UNC79: variants seen among roughly 807,000 people sequenced by gnomAD.
UNC79 encodes protein unc-79 homolog.
In UNC79, 37 loss-of-function variants were observed where a neutral mutation model predicts 283.1. That is an observed-to-expected ratio of 0.13 (90% CI 0.10 to 0.17). The LOEUF (loss-of-function observed/expected upper bound fraction) is 0.17, where lower values mean the gene tolerates loss of function less well. Ranked by LOEUF, UNC79 falls within the 10% of genes least tolerant of loss-of-function variation. UNC79 has a pLI of 1.00. For missense variants in UNC79, 2,272 were observed against 3,211.1 expected, an observed-to-expected ratio of 0.71 and a Z score of 7.07; for synonymous variants, 1,107 against 1,200.2, an observed-to-expected ratio of 0.92 and a Z score of 1.61.
intron 32 of UNC79, among the ~76,000 whole-genome samples, chr14:93,639,965 G>A (rs566517954): frequency 1.4e-4 from 21 of 152,346 alleles, no homozygotes; most frequent in African/African-American, 5.1e-4. Context: ...ATTCCTTGAT[G>A]AGAAAGATTA....
At chr14:93,499,975 G>A (rs1200369340) in intron 7 of UNC79, among the ~76,000 whole-genome samples, 1 of 152,134 alleles carries the variant, frequency 6.6e-6, no homozygotes, top group Non-Finnish European at 1.5e-5. Flanking sequence ...AATGTAGCCA[G>A]ACATTGGAGT....
At chr14:93,637,074 A>G in intron 31 of UNC79, 142 bp from the exon 35 acceptor site, 1 of 680,168 alleles carries the variant, frequency 1.5e-6, no homozygotes, top group Non-Finnish European at 2.7e-6. Flanking sequence ...CCTAAAATCT[A>G]GGATGTGTTC....
intron 14 of UNC79, among the ~76,000 whole-genome samples, chr14:93,558,419 G>A (rs1041471484): frequency 2.6e-5 from 4 of 151,970 alleles, no homozygotes; most frequent in Non-Finnish European, 5.9e-5. Flanking sequence ...AGCCCGGTGC[G>A]GTGGCGGGTG....
At chr14:93,698,383 G>A (rs941337583) in intron 47 of UNC79, among the ~76,000 whole-genome samples, 4 of 150,840 alleles carry the variant, frequency 2.7e-5, no homozygotes, top group Non-Finnish European at 5.9e-5. Context: ...TCTGTTATTA[G>A]GCTTATGTCT....
At position 93,388,865 on chromosome 14, in the gene UNC79, G is replaced by A. The variant is rs10137380; in HGVS notation, c.-351+55342G>A. Among the ~76,000 whole-genome samples, 1,358 of 152,228 alleles carry A rather than the reference G, an allele frequency of 8.9e-3. 33 individuals carry two copies. The highest frequency in any genetic ancestry group is 0.031 in the African/African-American group (1,279 of 41,536). On this transcript the variant is annotated intron_variant, in intron 1 of 49. Coordinates refer to the UNC79 transcript ENST00000256339. ...GGAAGTAATATATATTTACATTTTA[G>A]GTTCAGAGAATAATTGATCAATCAT...
chr14:93,486,244 G>A (rs1284386431), intron 4 of UNC79, among the ~76,000 whole-genome samples: 4 of 152,102 alleles, frequency 2.6e-5, no homozygotes, highest in Admixed American at 6.6e-5. Context: ...AGTGTAAGGC[G>A]AGGTTTCTTC....
rs762162270 is a variant in UNC79, at chr14:93,477,738, A to G, written c.619+10A>G. ...CTACCAATGGCTATATGTAAGTCCA[A>G]TCTTACCTAATACTAGATTATTTTT... On this transcript the variant is annotated intron_variant, in intron 4 of 48. Transcript: ENST00000555664. The G allele has an allele frequency of 1.1e-5, 17 of 1,605,046 alleles. No individual in the cohort carries two copies. Among genetic ancestry groups the G allele is most frequent in the South Asian group, 9.0e-5 (8 of 89,206 alleles).
intron 5 of UNC79, among the ~76,000 whole-genome samples, chr14:93,493,827 G>A (rs912158114): frequency 2.0e-5 from 3 of 146,756 alleles, no homozygotes; most frequent in African/African-American, 5.0e-5. Flanking sequence ...GGGGAAGCAC[G>A]TCTTACATGG....
chr14:93,415,391 CT>C (rs1566921340), intron 1 of UNC79, among the ~76,000 whole-genome samples: 1 of 152,104 alleles, frequency 6.6e-6, no homozygotes, highest in Non-Finnish European at 1.5e-5. Flanking sequence ...GGTGGATAAG[CT>C]TTTTGATGTG....
chr14:93,704,741 G>A (rs2075756424), intron 48 of UNC79, 75 bp downstream of exon 51: 1 of 1,544,236 alleles, frequency 6.5e-7, no homozygotes, highest in Non-Finnish European at 8.9e-7. Context: ...GATTGTTGAT[G>A]CTCCATTTAC....
At chr14:93,673,478 A>G (rs747711302) in intron 41 of UNC79, 23 bp downstream of exon 44, 1 of 1,603,234 alleles carries the variant, frequency 6.2e-7, no homozygotes, top group Admixed American at 1.7e-5. Flanking sequence ...TTGATTTGTA[A>G]AACTTTTCAT....
intron 1 of UNC79, among the ~76,000 whole-genome samples, chr14:93,340,412 A>C (rs2053679177): frequency 7.0e-6 from 1 of 142,868 alleles, no homozygotes; most frequent in Non-Finnish European, 1.5e-5. Context: ...ACTGCACTCT[A>C]GCCTGGGCGA....
intron 47 of UNC79, among the ~76,000 whole-genome samples, chr14:93,700,428 A>G (rs1318667358): frequency 6.6e-6 from 1 of 152,164 alleles, no homozygotes; most frequent in Non-Finnish European, 1.5e-5. Flanking sequence ...TATAGGTATC[A>G]TAACTGTTTT....
chr14:93,508,522 A>G lies in UNC79; in HGVS notation c.898+11236A>G, dbSNP rs150256196. Among the ~76,000 whole-genome samples, 723 of 152,284 alleles carry G rather than the reference A, an allele frequency of 4.7e-3. 8 individuals carry two copies. Among genetic ancestry groups the G allele is most frequent in the African/African-American group, 0.016 (675 of 41,562 alleles). ...GGATTTTTGAATCCATGAATGTGGT[A>G]TATCTTTCTATTAGTTAGGTCTTTT... On this transcript the variant is annotated intron_variant, in intron 7 of 48. Transcript: ENST00000555664.
intron 1 of UNC79, among the ~76,000 whole-genome samples, chr14:93,388,459 A>G (rs1321995518): frequency 6.6e-6 from 1 of 152,200 alleles, no homozygotes; most frequent in Non-Finnish European, 1.5e-5. Flanking sequence ...TTATTTGTAA[A>G]GAATAAATTT....
intron 26 of UNC79, among the ~76,000 whole-genome samples, chr14:93,610,862 C>T (rs965801767): frequency 1.3e-5 from 2 of 152,120 alleles, no homozygotes; most frequent in East Asian, 1.9e-4. Context: ...TCTCCCACCT[C>T]GGCCTCCCAA....
chr14:93,448,537 A>AT, intron 1 of UNC79, among the ~76,000 whole-genome samples: 1 of 151,834 alleles, frequency 6.6e-6, no homozygotes, highest in Non-Finnish European at 1.5e-5. Flanking sequence ...TTCTTGTGGG[A>AT]ATGTGTTGTA....
intron 4 of UNC79, among the ~76,000 whole-genome samples, chr14:93,486,917 T>C: frequency 6.6e-6 from 1 of 152,202 alleles, no homozygotes; most frequent in East Asian, 1.9e-4. Context: ...ATTTGCTTTG[T>C]GATTTTATGC....
intron 26 of UNC79, among the ~76,000 whole-genome samples, chr14:93,609,480 A>G (rs1023044289): frequency 2.0e-5 from 3 of 152,230 alleles, no homozygotes; most frequent in African/African-American, 7.2e-5. Flanking sequence ...ATCAGTCCAC[A>G]TTAAAGGTAT....
Sources: gnomAD v4.1 joint callset for allele counts (sites outside exome capture counted in the v4.1 genomes callset) on GRCh38, gnomAD v4.1.1 for gene constraint, MANE v1.5 for transcripts, NCBI Gene and HGNC (gene_info 2026-07-23, HGNC 2026-07-21) for gene names.